Variants in CD44 observed in about 807,000 individuals in gnomAD.
The protein encoded by CD44 is CD44 antigen.
In CD44, 49 loss-of-function variants were observed where a neutral mutation model predicts 88.8. The ratio of observed to expected loss-of-function variants is 0.55; its 90% CI spans 0.44 to 0.70. CD44 has a LOEUF of 0.70. CD44 is among the 30% of genes least tolerant of loss of function. The pLI is 0.00. For missense variants in CD44, 883 were observed against 913.8 expected, an observed-to-expected ratio of 0.97 and a Z score of 0.43; for synonymous variants, 325 against 312.3, an observed-to-expected ratio of 1.04 and a Z score of -0.43.
chr11:35,147,943 T>C (rs973310411), intron 1 of CD44, among the ~76,000 whole-genome samples: 1 of 151,934 alleles, frequency 6.6e-6, no homozygotes, highest in Non-Finnish European at 1.5e-5. Context: ...ACAAAAAAAT[T>C]AGCCGGGCAT....
chr11:35,160,045 G>A (rs1942405468), intron 1 of CD44, among the ~76,000 whole-genome samples: 1 of 152,174 alleles, frequency 6.6e-6, no homozygotes, highest in African/African-American at 2.4e-5. Flanking sequence ...CTCCCCAGGG[G>A]CAATGGGGCC....
intron 1 of CD44, 34 bp downstream of exon 1, chr11:35,139,404 G>T (rs1857439203): frequency 1.9e-6 from 3 of 1,543,986 alleles, no homozygotes; most frequent in Non-Finnish European, 2.6e-6. Flanking sequence ...CAGCAAGATG[G>T]GTGCGGGGTG....
chr11:35,173,770 G>T (rs185371603), intron 1 of CD44, among the ~76,000 whole-genome samples: 2 of 152,276 alleles, frequency 1.3e-5, no homozygotes, highest in Admixed American at 1.3e-4. Context: ...GAAAGCAGTG[G>T]TTGCCCATAC....
chr11:35,219,149 TG>T (rs993185225), intron 15 of CD44, 166 bp from the exon 16 acceptor site: 233 of 609,002 alleles, frequency 3.8e-4, no homozygotes, highest in Non-Finnish European at 6.2e-4. Context: ...TCAAATGAGG[TG>T]GGGGGGAAAT....
intron 17 of CD44, chr11:35,222,792 T>C (rs927569351): frequency 2.0e-6 from 2 of 984,876 alleles, no homozygotes; most frequent in African/African-American, 3.5e-5. Flanking sequence ...CTTTTGTAAA[T>C]GTCCCTTTAG....
intron 17 of CD44, chr11:35,223,410 T>C (rs1177962931): frequency 2.4e-6 from 1 of 409,450 alleles, no homozygotes. Context: ...CATGTCACCA[T>C]AGAAACGCTG....
intron 1 of CD44, among the ~76,000 whole-genome samples, chr11:35,140,601 G>A (rs542485617): frequency 6.6e-6 from 1 of 152,278 alleles, no homozygotes; most frequent in South Asian, 2.1e-4. Context: ...CCTAGGTGGA[G>A]GCTAGGCAGG....
chr11:35,149,965 G>A (rs12277192), intron 1 of CD44, among the ~76,000 whole-genome samples: 8,311 of 152,222 alleles, frequency 0.055, 338 homozygotes, highest in African/African-American at 0.11. Context: ...AGCAGCTCTG[G>A]CCAGAGAAGT....
intron 7 of CD44, among the ~76,000 whole-genome samples, chr11:35,200,245 A>G (rs1554969169): frequency 6.6e-6 from 1 of 152,112 alleles, no homozygotes; most frequent in Non-Finnish European, 1.5e-5. Flanking sequence ...ATTAGGATGG[A>G]TTTGCAAATA....
rs1380182801 is a variant in CD44, at chr11:35,229,357, GAAAC to G, written c.*27_*30del. ...AACACCTACACCATTATCTTGGAAAGAAACAACCGTTGGAAACATAACCATTACA... is the reference window on the plus strand; with the variant it reads ...AACACCTACACCATTATCTTGGAAAGAACCGTTGGAAACATAACCATTACA... On this transcript the variant is annotated 3_prime_UTR_variant, in exon 18 of 18. Coordinates refer to ENST00000428726, the MANE Select transcript of CD44 (RefSeq NM_000610.4). 1 of 1,490,614 alleles carries G rather than the reference GAAAC, an allele frequency of 6.7e-7. No individual in the cohort carries two copies. Among genetic ancestry groups the G allele is most frequent in the Admixed American group, 1.7e-5 (1 of 59,020 alleles). 92.3% of individuals were successfully genotyped at this position (1,490,614 alleles called of 1,614,324 possible).
intron 1 of CD44, among the ~76,000 whole-genome samples, chr11:35,160,975 T>G (rs1368638316): frequency 6.6e-6 from 1 of 152,194 alleles, no homozygotes; most frequent in Non-Finnish European, 1.5e-5. Context: ...ACACATGTAA[T>G]GTAGAGTGAG....
At chr11:35,199,947 T>TG (rs1947147997) in intron 7 of CD44, among the ~76,000 whole-genome samples, 2 of 149,408 alleles carry the variant, frequency 1.3e-5, no homozygotes, top group Non-Finnish European at 3.0e-5. Flanking sequence ...TTTTTTTTTT[T>TG]TTTTTTTTTT....
At chr11:35,227,584 C>A (rs944116007) in intron 17 of CD44, among the ~76,000 whole-genome samples, 2 of 152,222 alleles carry the variant, frequency 1.3e-5, no homozygotes, top group Non-Finnish European at 2.9e-5. Context: ...TCCCCCAACC[C>A]CTCATCAAGC....
intron 11 of CD44, 31 bp from the exon 12 acceptor site, chr11:35,208,074 C>A: frequency 1.5e-6 from 2 of 1,351,034 alleles, no homozygotes; most frequent in South Asian, 2.3e-5. Context: ...TTTGGGAAAT[C>A]AAGCAATAAC....
At chr11:35,199,878 T>C (rs926471834) in intron 7 of CD44, among the ~76,000 whole-genome samples, 2 of 149,770 alleles carry the variant, frequency 1.3e-5, no homozygotes, top group African/African-American at 4.9e-5. Flanking sequence ...CCCAAACAGA[T>C]CTACCTGTAA....
intron 5 of CD44, among the ~76,000 whole-genome samples, chr11:35,194,640 A>T (rs879779598): frequency 6.6e-6 from 1 of 152,200 alleles, no homozygotes; most frequent in Admixed American, 6.5e-5. Context: ...CTCCTTCATC[A>T]TTCTTAGTGA....
intron 1 of CD44, among the ~76,000 whole-genome samples, chr11:35,146,030 G>A (rs975509087): frequency 1.8e-4 from 28 of 151,880 alleles, no homozygotes; most frequent in Non-Finnish European, 7.4e-5. Context: ...CTGAGAGACA[G>A]GGAGACAAAC....
At chr11:35,204,207 A>G (rs905335742) in intron 9 of CD44, among the ~76,000 whole-genome samples, 7 of 152,228 alleles carry the variant, frequency 4.6e-5, no homozygotes, top group African/African-American at 1.7e-4. Flanking sequence ...CATTCACTAC[A>G]GTAAAATAAA....
intron 2 of CD44, 35 bp from the exon 3 acceptor site, chr11:35,180,239 A>T: frequency 1.2e-6 from 2 of 1,611,552 alleles, no homozygotes; most frequent in Non-Finnish European, 1.7e-6. Flanking sequence ...CATCTTAGCC[A>T]TTTAGGTCAA....
Sources: allele counts gnomAD v4.1 joint callset (sites outside exome capture counted in the v4.1 genomes callset), GRCh38; gene constraint gnomAD v4.1.1; transcripts MANE v1.5; gene names NCBI Gene and HGNC (gene_info 2026-07-23, HGNC 2026-07-21).